The following ARL6IP6 variants were observed in gnomAD, a reference collection of about 807,000 sequenced individuals.
ARL6IP6 encodes the protein ARF like GTPase 6 interacting protein 6, also known as ADP-ribosylation factor-like protein 6-interacting protein 6.
A neutral mutation model predicts 21.5 loss-of-function variants in ARL6IP6; 22 were observed. The ratio of observed to expected loss-of-function variants is 1.02; its 90% CI spans 0.73 to 1.46. The LOEUF is 1.46. Ranked by LOEUF, ARL6IP6 falls within the 40% of genes most tolerant of loss-of-function variation. ARL6IP6 has a pLI of 0.00. For missense variants in ARL6IP6, 388 were observed against 299.8 expected (o/e 1.29, Z -2.17); for synonymous variants, 164 against 125.3 (o/e 1.31, Z -2.06).
At chr2:152,734,339 G>T (rs1386814118) in intron 2 of ARL6IP6, among the ~76,000 whole-genome samples, 1 of 151,466 alleles carries the variant, frequency 6.6e-6, no homozygotes, top group Non-Finnish European at 1.5e-5. Flanking sequence ...ATCAGAATAG[G>T]TTTATAATGT....
At chr2:152,741,401 T>G (rs1202968034) in intron 3 of ARL6IP6, among the ~76,000 whole-genome samples, 11 of 151,882 alleles carry the variant, frequency 7.2e-5, no homozygotes, top group Non-Finnish European at 1.3e-4. Context: ...TACCTGGGTT[T>G]TTTTTTTTTT....
chr2:152,729,610 G>A (rs7570759), intron 2 of ARL6IP6, among the ~76,000 whole-genome samples: 125,730 of 152,058 alleles, frequency 0.83, 52,101 homozygotes, highest in Admixed American at 0.86. Context: ...GGCTGTGGGT[G>A]CTGATAGGAA....
chr2:152,718,900 C>A lies in ARL6IP6; in HGVS notation c.276C>A (p.Pro92=), dbSNP rs1233357747. ...VLPDKRNGIF[P]AAAGSRAQPR... is the part of the protein sequence containing the mutation. The stretch of plus-strand genomic sequence containing the variant: ...CCGATAAGCGCAATGGTATCTTTCC[C>A]GCGGCCGCGGGCAGCAGAGCCCAGC... The change falls in exon 1 of 4, where the codon CCC becomes CCA. Residue 92 remains proline, a synonymous_variant. Coordinates refer to ENST00000326446, the MANE Select transcript of ARL6IP6 (RefSeq NM_152522.7). 2 of 1,613,742 alleles carry A rather than the reference C, an allele frequency of 1.2e-6. No homozygotes were observed. The highest frequency in any genetic ancestry group is 1.7e-6 in the Non-Finnish European group (2 of 1,179,896).
rs781671192 is a variant in ARL6IP6 at position 152,718,819 on chromosome 2, A to G, written c.195A>G (p.Ser65=). The part of the protein sequence containing the change: ...LRAEFSAGAW[S]EPRKRSVLPP... ...CGGAGTTCTCGGCTGGGGCGTGGTC[A>G]GAGCCCAGAAAGCGCTCGGTGCTCC... is the stretch of plus-strand genomic sequence containing the variant. The change falls in exon 1 of 4, where the codon TCA becomes TCG. Residue 65 remains serine, a synonymous_variant. Transcript: ENST00000326446. 21 of 1,608,780 alleles carry G rather than the reference A, an allele frequency of 1.3e-5. No individual in the cohort carries two copies. In the Admixed American group the frequency reaches 3.4e-4, roughly 26 times the overall value.
intron 3 of ARL6IP6, among the ~76,000 whole-genome samples, chr2:152,755,273 C>CCT (rs1253509784): frequency 6.6e-6 from 1 of 152,158 alleles, no homozygotes; most frequent in Admixed American, 6.5e-5. Context: ...CAAGGGAAAA[C>CCT]ACCTGCTACT....
chr2:152,719,332 A>G (rs1699580230), intron 1 of ARL6IP6, among the ~76,000 whole-genome samples: 1 of 152,196 alleles, frequency 6.6e-6, no homozygotes, highest in Non-Finnish European at 1.5e-5. Flanking sequence ...CAAAATGCGA[A>G]ACACCCACCA....
chr2:152,741,436 C>T (rs575792765), intron 3 of ARL6IP6, among the ~76,000 whole-genome samples: 2 of 150,588 alleles, frequency 1.3e-5, no homozygotes, highest in South Asian at 4.2e-4. Flanking sequence ...AGTGGGAAAA[C>T]CATTTGAGAA....
intron 2 of ARL6IP6, among the ~76,000 whole-genome samples, chr2:152,727,481 A>G (rs1700099270): frequency 6.6e-6 from 1 of 152,212 alleles, no homozygotes; most frequent in African/African-American, 2.4e-5. Context: ...AGTCTATTGT[A>G]GTGGACAGTA....
chr2:152,745,183 T>G (rs553972692), intron 3 of ARL6IP6, among the ~76,000 whole-genome samples: 96 of 152,298 alleles, frequency 6.3e-4, no homozygotes, highest in African/African-American at 2.2e-3. Flanking sequence ...TTTGGGTCTT[T>G]AAAATATTGT....
In ARL6IP6 at chr2:152,724,398, A is replaced by G. The variant is rs185576335; in HGVS notation, c.454+3812A>G. 1.5e-4 allele frequency among the ~76,000 whole-genome samples: 23 copies of G among 152,328 alleles called. No individual in the cohort carries two copies. The East Asian group carries it at 4.0e-3, about 27-fold the overall frequency. On this transcript the variant is annotated intron_variant, in intron 2 of 3. Coordinates refer to ENST00000326446, the MANE Select transcript of ARL6IP6 (RefSeq NM_152522.7). ...TAGTATTCTCAACTACACTGTATCC[A>G]TCAATGTTATTTTCTTCTAAACCAA...
intron 2 of ARL6IP6, among the ~76,000 whole-genome samples, chr2:152,722,115 A>G (rs1699819664): frequency 6.6e-6 from 1 of 152,224 alleles, no homozygotes; most frequent in South Asian, 2.1e-4. Context: ...GGCAGTTGTT[A>G]TCTGAAGGAA....
intron 3 of ARL6IP6, among the ~76,000 whole-genome samples, chr2:152,754,255 A>G (rs1185492097): frequency 6.6e-6 from 1 of 151,884 alleles, no homozygotes; most frequent in African/African-American, 2.4e-5. Flanking sequence ...CCCATAGTCT[A>G]CTTTTCGTCT....
chr2:152,728,989 C>T lies in ARL6IP6; in HGVS notation c.455-6005C>T, dbSNP rs1173956091. On this transcript the variant is annotated intron_variant, in intron 2 of 3. Coordinates refer to ENST00000326446, the MANE Select transcript of ARL6IP6 (RefSeq NM_152522.7). Reference sequence around the variant, plus strand: ...AGGAGAACTGCTTGAACCTGGGAGGCGGAGGTTGCAGTGAGCCGAGATTGC... The same window carrying T: ...AGGAGAACTGCTTGAACCTGGGAGGTGGAGGTTGCAGTGAGCCGAGATTGC... Among the ~76,000 whole-genome samples, 7 of 148,620 alleles carry T rather than the reference C, an allele frequency of 4.7e-5. No homozygotes were observed. In the East Asian group the frequency reaches 7.9e-4, roughly 17 times the overall value.
chr2:152,745,852 A>G (rs1265003386), intron 3 of ARL6IP6, among the ~76,000 whole-genome samples: 1 of 152,136 alleles, frequency 6.6e-6, no homozygotes, highest in Non-Finnish European at 1.5e-5. Flanking sequence ...GTAAAGGGTT[A>G]AAGTACATGC....
chr2:152,721,754 T>C (rs949154903), intron 2 of ARL6IP6, among the ~76,000 whole-genome samples: 6 of 152,236 alleles, frequency 3.9e-5, no homozygotes, highest in African/African-American at 1.4e-4. Flanking sequence ...CTAATCACCC[T>C]TATGGTGACA....
At chr2:152,734,335 A>C (rs1036328176) in intron 2 of ARL6IP6, among the ~76,000 whole-genome samples, 1 of 151,924 alleles carries the variant, frequency 6.6e-6, no homozygotes, top group African/African-American at 2.4e-5. Flanking sequence ...AAGAATCAGA[A>C]TAGGTTTATA....
chr2:152,719,766 AAAAAAAAAC>A (rs1281868613), intron 1 of ARL6IP6: 275 of 319,416 alleles, frequency 8.6e-4, no homozygotes, highest in African/African-American at 5.6e-3. Context: ...AAAAAAAAAA[AAAAAAAAAC>A]AAAAGAACTT....
chr2:152,761,447 C>T lies in ARL6IP6; in HGVS notation c.*1607C>T, dbSNP rs1010790337. Among the ~76,000 whole-genome samples, 1 of 152,174 alleles carries T rather than the reference C, an allele frequency of 6.6e-6. No individual in the cohort carries two copies. The highest frequency in any genetic ancestry group is 1.5e-5 in the Non-Finnish European group (1 of 68,042). On this transcript the variant is annotated 3_prime_UTR_variant, in exon 4 of 4. Coordinates refer to ENST00000326446, the MANE Select transcript of ARL6IP6 (RefSeq NM_152522.7). ...GAATCAATTTATCTTCTCTCCACCA[C>T]TCTGTATTCCCACGCACCACCAATG...
chr2:152,725,930 T>G (rs7599946), intron 2 of ARL6IP6, among the ~76,000 whole-genome samples: 103,784 of 151,958 alleles, frequency 0.68, 35,665 homozygotes, highest in African/African-American at 0.72. Flanking sequence ...GTCATGAAAA[T>G]AAAGGAAATA....
Sources: gnomAD v4.1 joint callset for allele counts (sites outside exome capture counted in the v4.1 genomes callset) on GRCh38, gnomAD v4.1.1 for gene constraint, MANE v1.5 for transcripts, NCBI Gene and HGNC (gene_info 2026-07-23, HGNC 2026-07-21) for gene names.